Variants in PARP14 observed in about 807,000 individuals in gnomAD.
PARP14 encodes poly(ADP-ribose) polymerase family member 14.
PARP14 carries 59 observed loss-of-function variants against 154.2 expected under a neutral mutation model. That is an observed-to-expected ratio of 0.38 (90% confidence interval 0.31 to 0.48). The LOEUF (loss-of-function observed/expected upper bound fraction) is 0.48. Among genes scored for constraint, PARP14 ranks in the 20% least tolerant of loss-of-function variants. The pLI is 0.98. For synonymous variants in PARP14, 720 were observed against 780.5 expected (o/e 0.92, Z 1.29); for missense variants, 1,734 against 2,131.6 (o/e 0.81, Z 3.67).
In PARP14 at chr3:122,695,625, A is replaced by T; in HGVS notation, c.798A>T (p.Glu266Asp). ...GRVANVEYFPEESSALIEFFD... is the reference protein window; with the variant it reads ...GRVANVEYFPDESSALIEFFD... ...TTGCCAATGTTGAATATTTTCCTGA[A>T]GAGAGTTCAGCTCTGATTGAATTTT... The change falls in exon 5 of 17, where the codon GAA (glutamate) becomes GAT (aspartate). Residue 266 changes from glutamate to aspartate, a missense_variant. By Grantham distance (45) the Glu-to-Asp change is conservative. Around this residue, in one of 2 missense-constraint regions of PARP14, gnomAD observed 1,646 missense variants for 1,976.0 expected, o/e 0.83. Coordinates refer to ENST00000474629, the MANE Select transcript of PARP14 (RefSeq NM_017554.3). The T allele has an allele frequency of 6.2e-7, 1 of 1,602,440 alleles. No individual in the cohort carries two copies. The highest frequency in any genetic ancestry group is 1.1e-5 in the South Asian group (1 of 90,382).
chr3:122,714,163 T>C (rs1932926349), intron 11 of PARP14, 99 bp from the exon 12 acceptor site: 14 of 1,046,342 alleles, frequency 1.3e-5, no homozygotes, highest in Admixed American at 1.2e-4. Context: ...TTTTTTTTTT[T>C]CACAAAATGC....
chr3:122,720,764 T>A (rs537816561), intron 15 of PARP14: 1 of 459,648 alleles, frequency 2.2e-6, no homozygotes, highest in Non-Finnish European at 4.4e-6. Context: ...TATTCACAGA[T>A]CAACAGTGCT....
At chr3:122,692,197 G>C in intron 3 of PARP14, 104 bp from the exon 4 acceptor site, 1 of 868,764 alleles carries the variant, frequency 1.2e-6, no homozygotes, top group Non-Finnish European at 1.7e-6. Context: ...AGTTAGCCAA[G>C]AGATTGGCAA....
chr3:122,700,208 A>G lies in PARP14; in HGVS notation c.1654A>G (p.Lys552Glu), dbSNP rs1388499628. The G allele has an allele frequency of 6.2e-7, 1 of 1,611,866 alleles. No individual in the cohort carries two copies. Among genetic ancestry groups the G allele is most frequent in the East Asian group, 2.2e-5 (1 of 44,880 alleles). ...IFQFLQQVNW[K>E]EFSKCLFIAQ... is the part of the protein sequence containing the mutation. ...TCAGTTTTTGCAACAGGTAAACTGGAAAGAATTCTCTAAGTGTCTTTTCAT... is the reference window on the plus strand; with the variant it reads ...TCAGTTTTTGCAACAGGTAAACTGGGAAGAATTCTCTAAGTGTCTTTTCAT... Residue 552 changes from lysine (K) to glutamate (E), a missense_variant, in exon 6 of 17, where the codon AAA (lysine) becomes GAA (glutamate). Lys to Glu is a moderately conservative substitution (Grantham distance 56). Transcript: ENST00000474629.
At chr3:122,722,673 T>G (rs1294936057) in intron 15 of PARP14, 2 of 152,218 alleles carry the variant, frequency 1.3e-5, no homozygotes, top group Non-Finnish European at 2.9e-5. Context: ...ATGGGTGGTC[T>G]GTCATCCTCT....
rs758960118 is a variant in PARP14 at position 122,704,732 on chromosome 3, A to G, written c.3524A>G (p.Asp1175Gly). ...QEVHFLLHPS[D>G]HENIQAFSDE... ...GTTCACTTTCTGCTGCACCCGAGTG[A>G]TCATGAAAATATTCAGGTACAGTGC... The change falls in exon 8 of 17, where the codon GAT becomes GGT. Residue 1175 changes from aspartate (D) to glycine (G), a missense_variant. Asp to Gly is a moderately conservative substitution (Grantham distance 94, BLOSUM62 -1). This residue lies in a region of PARP14 where 1,646 missense variants were observed against 1,976.0 expected (regional missense o/e 0.83). Transcript: ENST00000474629. 9.4e-6 allele frequency: 15 copies of G among 1,594,410 alleles called. No individual in the cohort carries two copies. The Admixed American group carries it at 2.4e-4, about 26-fold the overall frequency.
intron 5 of PARP14, among the ~76,000 whole-genome samples, chr3:122,697,797 T>G (rs1220533786): frequency 6.6e-6 from 1 of 152,240 alleles, no homozygotes; most frequent in Admixed American, 6.5e-5. Context: ...ATTAATAATC[T>G]GCACAGTTAG....
At chr3:122,728,203 A>C (rs1448463969) in intron 16 of PARP14, 105 bp from the exon 17 acceptor site, 3 of 1,136,590 alleles carry the variant, frequency 2.6e-6, no homozygotes, top group African/African-American at 1.6e-5. Flanking sequence ...CACACACAAA[A>C]AATTTTAAGA....
At chr3:122,721,760 T>C (rs1395422605) in intron 15 of PARP14, 1 of 152,262 alleles carries the variant, frequency 6.6e-6, no homozygotes, top group Non-Finnish European at 1.5e-5. Flanking sequence ...CAGTAAGACC[T>C]ACATTTTCTT....
At chr3:122,708,346 G>A in intron 9 of PARP14, 78 bp downstream of exon 9, 1 of 733,946 alleles carries the variant, frequency 1.4e-6, no homozygotes. Context: ...AGACAGTAGT[G>A]ATAATTTTTA....
chr3:122,706,056 T>C (rs1040559307), intron 8 of PARP14, among the ~76,000 whole-genome samples: 1 of 152,222 alleles, frequency 6.6e-6, no homozygotes, highest in Non-Finnish European at 1.5e-5. Context: ...ATGAGAGGCA[T>C]GAAGTGCTGT....
chr3:122,687,174 A>C, intron 3 of PARP14, 61 bp downstream of exon 3: 1 of 1,218,256 alleles, frequency 8.2e-7, no homozygotes, highest in Admixed American at 1.9e-5. Context: ...TATTAAAGGC[A>C]GCACTTGAGG....
At chr3:122,723,283 T>G (rs541569755) in intron 15 of PARP14, among the ~76,000 whole-genome samples, 2 of 152,278 alleles carry the variant, frequency 1.3e-5, no homozygotes, top group Admixed American at 1.3e-4. Flanking sequence ...AAAAATCTCT[T>G]ATAACTCCCC....
chr3:122,722,935 A>AT (rs67962718), intron 15 of PARP14, among the ~76,000 whole-genome samples: 15,812 of 145,364 alleles, frequency 0.11, 915 homozygotes, highest in Middle Eastern at 0.18. Context: ...TGCATTTCAT[A>AT]TTTTTTTTTT....
chr3:122,711,690 G>A (rs1312754811), intron 9 of PARP14, among the ~76,000 whole-genome samples: 2 of 152,118 alleles, frequency 1.3e-5, no homozygotes, highest in African/African-American at 4.8e-5. Context: ...GTAGAATTCA[G>A]CTGTGAATCC....
At chr3:122,711,233 T>C (rs1394859626) in intron 9 of PARP14, among the ~76,000 whole-genome samples, 2 of 152,244 alleles carry the variant, frequency 1.3e-5, no homozygotes, top group Non-Finnish European at 2.9e-5. Flanking sequence ...TTGTCACATA[T>C]GGCTTTTACT....
At chr3:122,685,161 T>C in intron 1 of PARP14, 24 bp from the exon 2 acceptor site, 1 of 1,606,052 alleles carries the variant, frequency 6.2e-7, no homozygotes, top group Non-Finnish European at 8.5e-7. Context: ...CATTTGTCTT[T>C]TTTCCCCCCT....
At chr3:122,715,008 G>C (rs1193156308) in intron 12 of PARP14, among the ~76,000 whole-genome samples, 2 of 152,096 alleles carry the variant, frequency 1.3e-5, no homozygotes, top group Non-Finnish European at 2.9e-5. Context: ...CAGCCTACTT[G>C]CTTCTTTGAT....
chr3:122,728,006 G>A lies in PARP14; in HGVS notation c.5116+20G>A. On this transcript the variant is annotated intron_variant, in intron 16 of 16. Transcript: ENST00000474629. ...AGAATGGTAAGGAAGCGAGTAATCT[G>A]GCTGCTTGGAATGAGGCATCAGCCA... 6.3e-7 allele frequency: 1 copy of A among 1,597,548 alleles called. No homozygotes were observed. Among genetic ancestry groups the A allele is most frequent in the Non-Finnish European group, 8.5e-7 (1 of 1,170,348 alleles).
Sources: allele counts gnomAD v4.1 joint callset (sites outside exome capture counted in the v4.1 genomes callset), GRCh38; gene constraint gnomAD v4.1.1; regional missense constraint gnomAD v4.1.1; transcripts MANE v1.5; gene names NCBI Gene and HGNC (gene_info 2026-07-23, HGNC 2026-07-21).